The following TIAM2 variants were observed in gnomAD, a reference collection of about 807,000 sequenced individuals.
The protein encoded by TIAM2 is rho guanine nucleotide exchange factor TIAM2.
A neutral mutation model predicts 152.9 loss-of-function variants in TIAM2; 80 were observed. The ratio of observed to expected loss-of-function variants is 0.52; its 90% CI spans 0.44 to 0.63. The LOEUF (loss-of-function observed/expected upper bound fraction) is 0.63. Among genes scored for constraint, TIAM2 ranks in the 30% least tolerant of loss-of-function variants. The probability of loss-of-function intolerance (pLI) is 0.00; values close to 1 mark genes in which losing one functional copy is unlikely to be tolerated. For missense variants in TIAM2, 1,965 were observed against 2,120.1 expected, an observed-to-expected ratio of 0.93 and a Z score of 1.44; for synonymous variants, 804 against 838.0, an observed-to-expected ratio of 0.96 and a Z score of 0.70.
rs1781802481 is a variant in TIAM2, at chr6:155,214,376, G to A, written c.3168+3069G>A. Among the ~76,000 whole-genome samples the A allele has an allele frequency of 1.3e-5, 2 of 152,216 alleles. No individual in the cohort carries two copies. Among genetic ancestry groups the A allele is most frequent in the Admixed American group, 1.3e-4 (2 of 15,290 alleles). On this transcript the variant is annotated intron_variant, in intron 15 of 26. Transcript: ENST00000682666. This position sits in a 1 kb window ranked among gnomAD's most constrained non-coding sequence, Gnocchi z 5.4. ...GGTTGGTGACATCCCCTGTGTGTGAGGGACCAGGTTAGAGCCTGCCAGCTT... is the reference window on the plus strand; with the variant it reads ...GGTTGGTGACATCCCCTGTGTGTGAAGGACCAGGTTAGAGCCTGCCAGCTT...
At position 155,183,456 on chromosome 6, in the gene TIAM2, T is replaced by G. The variant is rs1428542118; in HGVS notation, c.3020T>G (p.Leu1007Arg). 8 of 1,613,802 alleles carry G rather than the reference T, an allele frequency of 5.0e-6. No homozygotes were observed. The highest frequency in any genetic ancestry group is 1.3e-5 in the African/African-American group (1 of 74,922). ...CTGCCCCCTCCTAACCAGTCCCAAC[T>G]GCTGGAGGAATTCCTGGATAACTTT... The part of the protein sequence containing the change: ...SLLPPPNQSQ[L>R]LEEFLDNFKK... Residue 1007 changes from leucine (L) to arginine (R), a missense_variant, in exon 14 of 27, where the codon CTG becomes CGG. By Grantham distance (102) the Leu-to-Arg change is moderately radical (BLOSUM62 -2). This residue lies in a region of TIAM2 where 935 missense variants were observed against 980.0 expected (regional missense o/e 0.95). Coordinates refer to ENST00000682666, the MANE Select transcript of TIAM2 (RefSeq NM_012454.4).
At chr6:155,236,954 T>C (rs1238838042) in intron 15 of TIAM2, among the ~76,000 whole-genome samples, 5 of 152,144 alleles carry the variant, frequency 3.3e-5, no homozygotes, top group Non-Finnish European at 4.4e-5. Context: ...ATCTTCACAT[T>C]TGAAAACCAA....
chr6:155,026,479 CTG>C (rs1389377804), intron 1 of TIAM2, among the ~76,000 whole-genome samples: 1 of 152,220 alleles, frequency 6.6e-6, no homozygotes, highest in Non-Finnish European at 1.5e-5. Flanking sequence ...GCAAAACTCA[CTG>C]TGGTTTATCA....
At chr6:155,110,318 C>CTTTTTTTTTTTTTTTTTTTTTTT (rs67332964) in intron 2 of TIAM2, among the ~76,000 whole-genome samples, 1 of 133,800 alleles carries the variant, frequency 7.5e-6, no homozygotes. Context: ...TCTTTCTTTT[C>CTTTTTTTTTTTTTTTTTTTTTTT]TTTTTTTTTT....
At chr6:155,211,393 G>A (rs1160690478) in intron 15 of TIAM2, 86 bp downstream of exon 15, 3 of 1,036,686 alleles carry the variant, frequency 2.9e-6, no homozygotes, top group Non-Finnish European at 4.4e-6. Flanking sequence ...AAAGGAGATG[G>A]AGTTACCTAT....
At chr6:155,113,413 A>G (rs1778908650) in intron 2 of TIAM2, among the ~76,000 whole-genome samples, 1 of 151,546 alleles carries the variant, frequency 6.6e-6, no homozygotes, top group African/African-American at 2.4e-5. Context: ...AGTGCTTATC[A>G]CCTCCTAAAA....
chr6:155,233,691 C>T (rs749213048), intron 15 of TIAM2, among the ~76,000 whole-genome samples: 6 of 152,074 alleles, frequency 3.9e-5, no homozygotes, highest in Admixed American at 6.5e-5. Flanking sequence ...ACTAAAGGCC[C>T]GGCATGGTGG....
intron 1 of TIAM2, among the ~76,000 whole-genome samples, chr6:155,017,544 G>A (rs143898460): frequency 0.022 from 2,873 of 132,186 alleles, 99 homozygotes; most frequent in African/African-American, 0.078. Context: ...TCACTCTGTC[G>A]CCAGGCTGGA....
intron 7 of TIAM2, among the ~76,000 whole-genome samples, chr6:155,159,529 G>T (rs1485157959): frequency 6.6e-6 from 1 of 152,178 alleles, no homozygotes; most frequent in Non-Finnish European, 1.5e-5. Context: ...CTGGACTTAA[G>T]TCTCAACTGC....
intron 1 of TIAM2, among the ~76,000 whole-genome samples, chr6:155,012,092 A>G (rs1164199986): frequency 6.6e-6 from 1 of 152,236 alleles, no homozygotes; most frequent in East Asian, 1.9e-4. Flanking sequence ...AGAAAGAAAA[A>G]AAGGAGTAGT....
intron 16 of TIAM2, among the ~76,000 whole-genome samples, chr6:155,241,497 C>T (rs993289803): frequency 4.6e-5 from 7 of 152,154 alleles, no homozygotes; most frequent in Admixed American, 2.0e-4. Flanking sequence ...CTGAGACACT[C>T]GGTCCCCCTT....
intron 1 of TIAM2, among the ~76,000 whole-genome samples, chr6:155,089,698 C>A (rs1220227517): frequency 6.6e-6 from 1 of 152,154 alleles, no homozygotes; most frequent in Non-Finnish European, 1.5e-5. Flanking sequence ...AATTCCTAAT[C>A]TTCCAATTTA....
chr6:155,006,943 G>C (rs1778411985), intron 1 of TIAM2, among the ~76,000 whole-genome samples: 1 of 152,032 alleles, frequency 6.6e-6, no homozygotes, highest in Non-Finnish European at 1.5e-5. Flanking sequence ...CACTTGCCTT[G>C]GCCTCCCAAA....
At chr6:155,112,301 ATT>A (rs199615111) in intron 2 of TIAM2, among the ~76,000 whole-genome samples, 1 of 150,568 alleles carries the variant, frequency 6.6e-6, no homozygotes, top group African/African-American at 2.4e-5. Context: ...AATTTTTGTA[ATT>A]TTTTTTAGTA....
intron 2 of TIAM2, among the ~76,000 whole-genome samples, chr6:155,103,347 A>G (rs1778589650): frequency 6.6e-6 from 1 of 152,214 alleles, no homozygotes; most frequent in Admixed American, 6.5e-5. Context: ...GAGATAATTC[A>G]TGTGTACAGG....
intron 10 of TIAM2, 71 bp from the exon 11 acceptor site, chr6:155,178,968 A>C (rs1780825274): frequency 1.6e-6 from 2 of 1,229,736 alleles, no homozygotes; most frequent in East Asian, 4.8e-5. Context: ...TTGATTTTTA[A>C]TAAGCCTGCT....
At chr6:155,199,381 G>A (rs1397183887) in intron 14 of TIAM2, among the ~76,000 whole-genome samples, 4 of 152,098 alleles carry the variant, frequency 2.6e-5, no homozygotes, top group African/African-American at 7.2e-5. Context: ...CCCAGCCTGA[G>A]AACAGTAACT....
At chr6:155,126,013 G>A (rs1779285515) in intron 2 of TIAM2, among the ~76,000 whole-genome samples, 1 of 152,224 alleles carries the variant, frequency 6.6e-6, no homozygotes, top group Admixed American at 6.5e-5. Flanking sequence ...GGAAGAGCTA[G>A]TTAAACACCC....
chr6:155,076,090 A>G (rs950228140), intron 1 of TIAM2, among the ~76,000 whole-genome samples: 3 of 152,138 alleles, frequency 2.0e-5, no homozygotes, highest in African/African-American at 7.2e-5. Context: ...GACCTGTCTC[A>G]TGAGGTCAGG....
Sources: allele counts gnomAD v4.1 joint callset (sites outside exome capture counted in the v4.1 genomes callset), GRCh38; gene constraint gnomAD v4.1.1; regional missense constraint gnomAD v4.1.1; non-coding constraint Gnocchi (gnomAD v3.1); transcripts MANE v1.5; gene names NCBI Gene and HGNC (gene_info 2026-07-23, HGNC 2026-07-21).